Variants in TMEM68 observed in about 807,000 individuals in gnomAD.
TMEM68 encodes transmembrane protein 68.
In TMEM68, 25 loss-of-function variants were observed where a neutral mutation model predicts 36.9. The observed-to-expected ratio is 0.68, with a 90% CI of 0.49 to 0.95. TMEM68 has a LOEUF of 0.95. Ranked by LOEUF, TMEM68 falls within the 40% of genes least tolerant of loss-of-function variation. The pLI is 0.00. For synonymous variants in TMEM68, 131 were observed against 124.4 expected, an observed-to-expected ratio of 1.05 and a Z score of -0.35; for missense variants, 333 against 392.0, an observed-to-expected ratio of 0.85 and a Z score of 1.27.
Position 55,739,967 on chromosome 8 carries a change from AC to A in TMEM68, c.*164del. On this transcript the variant is annotated 3_prime_UTR_variant, in exon 8 of 8. Transcript: ENST00000434581. ...GTTAGTATTTGACACAATTGCAAAA[AC>A]AAAATTGACTATTTTAAAGAAACGA... is the stretch of plus-strand genomic sequence containing the variant. The A allele has an allele frequency of 1.8e-6, 1 of 543,426 alleles. No homozygotes were observed. The highest frequency in any genetic ancestry group is 3.2e-6 in the Non-Finnish European group (1 of 317,358). 33.7% of individuals were successfully genotyped at this position (543,426 alleles called of 1,614,324 possible). A position where few individuals can be genotyped will look rare whatever the true frequency, so the allele number is the denominator to read the frequency against.
At position 55,743,610 on chromosome 8, in the gene TMEM68, C is replaced by T. The variant is rs146472976; in HGVS notation, c.759G>A (p.Arg253=). The T allele has an allele frequency of 2.1e-4, 322 of 1,534,352 alleles. 2 individuals carry two copies. The highest frequency in any genetic ancestry group is 2.5e-4 in the Non-Finnish European group (289 of 1,146,222). The part of the protein sequence containing the change: ...FRSLGGTRLF[R]WLYEKFRYPF... ...GATAGCGGAATTTTTCATAAAGCCA[C>T]CTAAATAACCCTGTTTTAGAGTAAA... The change falls in exon 7 of 8, where the codon AGG becomes AGA. Residue 253 remains arginine, a synonymous_variant. Transcript: ENST00000434581.
intron 7 of TMEM68, among the ~76,000 whole-genome samples, chr8:55,741,869 T>C (rs1810112392): frequency 6.6e-6 from 1 of 151,734 alleles, no homozygotes; most frequent in South Asian, 2.1e-4. Flanking sequence ...AGACTTTGAG[T>C]ATATAAAGTA....
intron 4 of TMEM68, among the ~76,000 whole-genome samples, chr8:55,754,559 A>C (rs950822924): frequency 1.4e-4 from 20 of 139,036 alleles, no homozygotes; most frequent in Non-Finnish European, 2.7e-4. Flanking sequence ...TAATACATAC[A>C]TATTATATAT....
In TMEM68 at chr8:55,756,351, TA is replaced by T; in HGVS notation, c.385del (p.Tyr129IlefsTer7). On this transcript the variant is annotated frameshift_variant, in exon 4 of 8. Coordinates refer to ENST00000434581, the MANE Select transcript of TMEM68 (RefSeq NM_001286657.2). LOFTEE classifies it high-confidence loss of function. ...AAAATCTATAGGAATAGCTCCATGA[TA>T]AAAAATTATAAGTGCTGGTCCATCT... is the stretch of plus-strand genomic sequence containing the variant. ...PEDGPALIIF[Y>X]HGAIPIDFYY... The T allele has an allele frequency of 1.2e-6, 2 of 1,604,402 alleles. No homozygotes were observed. The highest frequency in any genetic ancestry group is 1.1e-5 in the South Asian group (1 of 87,938).
intron 1 of TMEM68, among the ~76,000 whole-genome samples, chr8:55,769,025 A>T (rs1292891234): frequency 1.4e-5 from 2 of 146,242 alleles, no homozygotes; most frequent in Non-Finnish European, 1.5e-5. Flanking sequence ...CTTTAAAAAA[A>T]AAAAAAAAAA....
intron 5 of TMEM68, among the ~76,000 whole-genome samples, chr8:55,750,602 C>A (rs998119735): frequency 7.0e-6 from 1 of 142,538 alleles, no homozygotes; most frequent in Non-Finnish European, 1.5e-5. Context: ...TGCAGTGGTG[C>A]GATCTCAGCT....
Position 55,758,543 on chromosome 8 carries a change from A to G in TMEM68, c.326-2132T>C, listed in dbSNP as rs118170975. ...AAGTTAAAGGGGAATGCAGTGGCTCACGCCTGTAATCCCAACACTTTGGGA... is the reference window on the plus strand; with the variant it reads ...AAGTTAAAGGGGAATGCAGTGGCTCGCGCCTGTAATCCCAACACTTTGGGA... On this transcript the variant is annotated intron_variant, in intron 3 of 7. Coordinates refer to ENST00000434581, the MANE Select transcript of TMEM68 (RefSeq NM_001286657.2). 9.4e-3 allele frequency among the ~76,000 whole-genome samples: 1,439 copies of G among 152,394 alleles called. 108 individuals carry two copies. In the South Asian group the frequency reaches 0.15, roughly 16 times the overall value.
At chr8:55,757,017 AG>A (rs1810627707) in intron 3 of TMEM68, among the ~76,000 whole-genome samples, 1 of 152,086 alleles carries the variant, frequency 6.6e-6, no homozygotes, top group African/African-American at 2.4e-5. Context: ...GGTTACACAC[AG>A]GGGGACTGAT....
At chr8:55,758,974 CA>C (rs1252590395) in intron 3 of TMEM68, among the ~76,000 whole-genome samples, 1 of 152,068 alleles carries the variant, frequency 6.6e-6, no homozygotes, top group Non-Finnish European at 1.5e-5. Flanking sequence ...AGTAACATAA[CA>C]ATGTTAATTT....
intron 4 of TMEM68, among the ~76,000 whole-genome samples, chr8:55,754,662 A>G (rs1403074405): frequency 7.6e-6 from 1 of 131,780 alleles, no homozygotes; most frequent in African/African-American, 2.9e-5. Context: ...ATTATATATA[A>G]AATACATATA....
At chr8:55,754,442 C>T (rs531580040) in intron 4 of TMEM68, among the ~76,000 whole-genome samples, 17 of 66,930 alleles carry the variant, frequency 2.5e-4, no homozygotes, top group African/African-American at 1.1e-3. Context: ...GACTCTGTCT[C>T]GAATATATAT....
At chr8:55,769,626 T>C (rs1040320868) in intron 1 of TMEM68, among the ~76,000 whole-genome samples, 4 of 151,998 alleles carry the variant, frequency 2.6e-5, no homozygotes, top group Non-Finnish European at 5.9e-5. Flanking sequence ...AACTGAACTG[T>C]GTTCGTCTAA....
intron 1 of TMEM68, among the ~76,000 whole-genome samples, chr8:55,770,952 T>G (rs112732477): frequency 0.11 from 17,353 of 152,068 alleles, 1,193 homozygotes; most frequent in Middle Eastern, 0.17. Context: ...GGTCGGGAGT[T>G]CGAGACCAGC....
chr8:55,743,624 T>C lies in TMEM68; in HGVS notation c.749-4A>G, dbSNP rs1417616343. ...TCATAAAGCCACCTAAATAACCCTG[T>C]TTTAGAGTAAATACAATCATTTTAA... On this transcript the variant is annotated splice_region_variant and splice_polypyrimidine_tract_variant and intron_variant, in intron 6 of 7. Transcript: ENST00000434581. 9.8e-6 allele frequency: 15 copies of C among 1,531,544 alleles called. 1 individual carries two copies. The highest frequency in any genetic ancestry group is 8.7e-7 in the Non-Finnish European group (1 of 1,145,172). The allele number at this position is 1,531,544 out of a possible 1,614,324, so 94.9% of individuals were successfully genotyped here.
intron 1 of TMEM68, among the ~76,000 whole-genome samples, chr8:55,764,481 T>C (rs566220078): frequency 1.3e-5 from 2 of 152,330 alleles, no homozygotes; most frequent in East Asian, 1.9e-4. Context: ...CTCAAGTCCT[T>C]TGTAGCTGAG....
intron 3 of TMEM68, among the ~76,000 whole-genome samples, chr8:55,758,040 A>T (rs1157657106): frequency 6.6e-6 from 1 of 152,132 alleles, no homozygotes; most frequent in East Asian, 1.9e-4. Context: ...AAGTACCCCC[A>T]TGTGGAGTTA....
At position 55,744,497 on chromosome 8, in the gene TMEM68, C is replaced by T. The variant is rs1445360167; in HGVS notation, c.748+564G>A. ...ATTTTGTTTGTATTTTTAGTAGAGA[C>T]GGGGTTTCACCACGTTAGCCAGGAT... On this transcript the variant is annotated intron_variant, in intron 6 of 7. Coordinates refer to ENST00000434581, the MANE Select transcript of TMEM68 (RefSeq NM_001286657.2). Among the ~76,000 whole-genome samples, 4 of 151,048 alleles carry T rather than the reference C, an allele frequency of 2.6e-5. No homozygotes were observed. The South Asian group carries it at 8.4e-4, about 32-fold the overall frequency.
chr8:55,767,547 G>A (rs1190241101), intron 1 of TMEM68, among the ~76,000 whole-genome samples: 1 of 152,104 alleles, frequency 6.6e-6, no homozygotes, highest in Non-Finnish European at 1.5e-5. Context: ...GGTATAAGTG[G>A]ATGGCCCTGA....
intron 4 of TMEM68, among the ~76,000 whole-genome samples, chr8:55,754,706 T>TTA (rs1290695302): frequency 7.9e-6 from 1 of 126,182 alleles, no homozygotes; most frequent in African/African-American, 3.1e-5. Flanking sequence ...AAATACATAC[T>TTA]TATATATATA....
Sources: gnomAD v4.1 joint callset for allele counts (sites outside exome capture counted in the v4.1 genomes callset) on GRCh38, gnomAD v4.1.1 for gene constraint, MANE v1.5 for transcripts, NCBI Gene and HGNC (gene_info 2026-07-23, HGNC 2026-07-21) for gene names.